The following CENPF variants were observed in gnomAD, a reference collection of about 807,000 sequenced individuals.
CENPF encodes the protein centromere protein F, also known as AH antigen.
A neutral mutation model predicts 307.3 loss-of-function variants in CENPF; 214 were observed. The ratio of observed to expected loss-of-function variants is 0.70; its 90% CI spans 0.62 to 0.78. The LOEUF is 0.78. Ranked by LOEUF, CENPF falls within the 30% of genes least tolerant of loss-of-function variation. The pLI, the probability that CENPF is intolerant of heterozygous loss-of-function variation, is 0.00. For synonymous variants in CENPF, 1,259 were observed against 1,270.6 expected, an observed-to-expected ratio of 0.99 and a Z score of 0.19; for missense variants, 3,401 against 3,483.9, an observed-to-expected ratio of 0.98 and a Z score of 0.60.
chr1:214,657,319 A>C lies in CENPF; in HGVS notation c.8872A>C (p.Lys2958Gln). 3 of 1,614,026 alleles carry C rather than the reference A, an allele frequency of 1.9e-6. No individual in the cohort carries two copies. The highest frequency in any genetic ancestry group is 2.5e-6 in the Non-Finnish European group (3 of 1,180,014). ...ATPESFSKKS[K>Q]KAVMSGIHPA... ...CCCAGAGAGCTTTTCTAAAAAAAGC[A>C]AGAAAGCAGTCATGAGTGGTATTCA... Residue 2958 changes from lysine to glutamine, a missense_variant, in exon 18 of 20, where the codon AAG (lysine) becomes CAG (glutamine). Coordinates refer to ENST00000366955, the MANE Select transcript of CENPF (RefSeq NM_016343.4).
At chr1:214,638,852 GT>G (rs1483321688) in intron 11 of CENPF, among the ~76,000 whole-genome samples, 3 of 152,190 alleles carry the variant, frequency 2.0e-5, no homozygotes, top group Non-Finnish European at 1.5e-5. Flanking sequence ...ACAGCTTTTA[GT>G]TTTTCCACAG....
rs1469513463 is a variant in CENPF at position 214,655,226 on chromosome 1, A to G, written c.8323-15A>G. On this transcript the variant is annotated splice_polypyrimidine_tract_variant and intron_variant, in intron 16 of 19. Transcript: ENST00000366955. ...GAAATTCAAGGTTTTAAATGGAATT[A>G]CTTTTATTTTGTAGATGGACAATCT... The G allele has an allele frequency of 1.3e-6, 2 of 1,523,020 alleles. No homozygotes were observed. The highest frequency in any genetic ancestry group is 4.6e-5 in the East Asian group (2 of 43,236). The allele number at this position is 1,523,020 out of a possible 1,614,324, so 94.3% of individuals were successfully genotyped here. A position where few individuals can be genotyped will look rare whatever the true frequency, so the allele number is the denominator to read the frequency against.
At chr1:214,608,189 C>T (rs957308900) in intron 1 of CENPF, 25 of 988,380 alleles carry the variant, frequency 2.5e-5, no homozygotes, top group Non-Finnish European at 3.5e-5. Flanking sequence ...TGGCCCTGTG[C>T]ATCCACTGTG....
intron 1 of CENPF, among the ~76,000 whole-genome samples, chr1:214,609,284 C>T (rs959212032): frequency 6.6e-6 from 1 of 152,172 alleles, no homozygotes; most frequent in South Asian, 2.1e-4. Flanking sequence ...GACTTTACCA[C>T]CTTTTGCAGT....
At chr1:214,660,892 T>C (rs934483749) in intron 19 of CENPF, among the ~76,000 whole-genome samples, 8 of 152,200 alleles carry the variant, frequency 5.3e-5, no homozygotes, top group Non-Finnish European at 1.0e-4. Context: ...TGTCTGACAT[T>C]CAACAAATAT....
At chr1:214,639,833 T>G in intron 11 of CENPF, 88 bp from the exon 12 acceptor site, 1 of 716,124 alleles carries the variant, frequency 1.4e-6, no homozygotes, top group Non-Finnish European at 2.0e-6. Context: ...TTGTTTGGAT[T>G]TTGCCAGGGG....
intron 1 of CENPF, among the ~76,000 whole-genome samples, chr1:214,611,179 A>G (rs940221733): frequency 1.3e-5 from 2 of 152,150 alleles, no homozygotes; most frequent in Non-Finnish European, 2.9e-5. Context: ...TTTTGGTTCC[A>G]TATCAATTTT....
At chr1:214,605,386 A>G (rs1480846552) in intron 1 of CENPF, 3 of 387,466 alleles carry the variant, frequency 7.7e-6, no homozygotes, top group Non-Finnish European at 1.4e-5. Context: ...GAGCAGCTAA[A>G]TAACTTGCCC....
At chr1:214,613,608 T>C in intron 1 of CENPF, 106 bp from the exon 2 acceptor site, 1 of 724,000 alleles carries the variant, frequency 1.4e-6, no homozygotes, top group Non-Finnish European at 2.2e-6. Flanking sequence ...TTTTGAAATG[T>C]GGTCTTGAAA....
At chr1:214,638,461 A>C (rs1475587853) in intron 11 of CENPF, among the ~76,000 whole-genome samples, 1 of 152,136 alleles carries the variant, frequency 6.6e-6, no homozygotes, top group African/African-American at 2.4e-5. Context: ...TACTTGACTG[A>C]ATGATTTTAT....
In CENPF at chr1:214,643,187, A is replaced by T. The variant is rs1486664050; in HGVS notation, c.4849A>T (p.Thr1617Ser). 21 of 1,605,282 alleles carry T rather than the reference A, an allele frequency of 1.3e-5. No individual in the cohort carries two copies. Among genetic ancestry groups the T allele is most frequent in the Non-Finnish European group, 1.8e-5 (21 of 1,177,326 alleles). Residue 1617 changes from threonine to serine, a missense_variant, in exon 12 of 20, where the codon ACT becomes TCT. Physicochemically the swap from Thr to Ser is moderately conservative, Grantham distance 58. Coordinates refer to ENST00000366955, the MANE Select transcript of CENPF (RefSeq NM_016343.4). ...EQWQQKLTSV[T>S]LEMESKLAAE... Reference sequence around the variant, plus strand: ...GTGGCAACAGAAGCTGACAAGCGTGACTCTGGAGATGGAGTCCAAGTTGGC... The same window carrying T: ...GTGGCAACAGAAGCTGACAAGCGTGTCTCTGGAGATGGAGTCCAAGTTGGC...
chr1:214,662,243 A>G (rs113372367), intron 19 of CENPF, among the ~76,000 whole-genome samples: 65 of 149,890 alleles, frequency 4.3e-4, no homozygotes, highest in African/African-American at 1.6e-3. Flanking sequence ...TGGAATCACT[A>G]TTTCTCTTTA....
chr1:214,620,552 A>G (rs117213302), intron 5 of CENPF, 103 bp from the exon 6 acceptor site: 7 of 1,185,172 alleles, frequency 5.9e-6, no homozygotes, highest in Middle Eastern at 2.0e-4. Context: ...ATGCAGTGCA[A>G]CTGTTAACTT....
chr1:214,639,779 C>G, intron 11 of CENPF, 142 bp from the exon 12 acceptor site: 1 of 439,968 alleles, frequency 2.3e-6, no homozygotes. Flanking sequence ...AGGAGGTACC[C>G]AGGCAATAAT....
chr1:214,654,263 G>A (rs1441798257), intron 16 of CENPF: 1 of 152,098 alleles, frequency 6.6e-6, no homozygotes, highest in African/African-American at 2.4e-5. Context: ...CTCTCACAAG[G>A]CAGGATAAAT....
chr1:214,607,737 GC>G (rs1657076307), intron 1 of CENPF, among the ~76,000 whole-genome samples: 1 of 152,184 alleles, frequency 6.6e-6, no homozygotes, highest in Admixed American at 6.5e-5. Flanking sequence ...ACCAGTGAAG[GC>G]CCCAGGCAAG....
rs12734998 is a variant in CENPF at position 214,614,184 on chromosome 1, G to C, written c.162+268G>C. On this transcript the variant is annotated intron_variant, in intron 2 of 19. Transcript: ENST00000366955. ...TTTCTGTCCTCATTTCTGCTTACCT[G>C]CTAATATTTAGGGCTATTGAGTTCC... Among the ~76,000 whole-genome samples, 2,479 of 144,192 alleles carry C rather than the reference G, an allele frequency of 0.017. 32 individuals are homozygous for C. Among genetic ancestry groups the C allele is most frequent in the Middle Eastern group, 0.034 (9 of 264 alleles). The allele number at this position is 144,192 out of a possible 152,430, so 94.6% of individuals were successfully genotyped here. A position where few individuals can be genotyped will look rare whatever the true frequency, so the allele number is the denominator to read the frequency against.
rs1656931379 is a variant in CENPF at position 214,603,255 on chromosome 1, C to G, written c.-108C>G. ...GGCAGTTTGAATTAGACTCTGGGCT[C>G]CAGCCCGCCGAAGCCGCGCCAGAAC... On this transcript the variant is annotated 5_prime_UTR_variant, in exon 1 of 20. Transcript: ENST00000366955. The G allele has an allele frequency of 6.6e-6, 1 of 152,374 alleles. No individual in the cohort carries two copies. Among genetic ancestry groups the G allele is most frequent in the Non-Finnish European group, 1.5e-5 (1 of 68,176 alleles). The allele number at this position is 152,374 out of a possible 1,614,324, so 9.4% of individuals were successfully genotyped here. A position where few individuals can be genotyped will look rare whatever the true frequency, so the allele number is the denominator to read the frequency against.
rs771671720 is a variant in CENPF at position 214,641,269 on chromosome 1, G to T, written c.2931G>T (p.Gly977=). The stretch of plus-strand genomic sequence containing the variant: ...TTGAAGAGCTGACCCAAGAGAATGG[G>T]ACTCTTAAGGAAATTAATGCATCCT... ...REIEELTQEN[G]TLKEINASLN... The change falls in exon 12 of 20, where the codon GGG becomes GGT. Residue 977 remains glycine, a synonymous_variant. Coordinates refer to ENST00000366955, the MANE Select transcript of CENPF (RefSeq NM_016343.4). 3 of 1,601,382 alleles carry T rather than the reference G, an allele frequency of 1.9e-6. No individual in the cohort carries two copies. Among genetic ancestry groups the T allele is most frequent in the South Asian group, 1.1e-5 (1 of 87,670 alleles).
Sources: allele counts gnomAD v4.1 joint callset (sites outside exome capture counted in the v4.1 genomes callset), GRCh38; gene constraint gnomAD v4.1.1; transcripts MANE v1.5; gene names NCBI Gene and HGNC (gene_info 2026-07-23, HGNC 2026-07-21).